Variants in GBX2 observed in about 807,000 individuals in gnomAD.
GBX2 encodes gastrulation brain homeobox 2, also known as homeobox protein GBX-2.
A neutral mutation model predicts 22.4 loss-of-function variants in GBX2; 5 were observed. That is an observed-to-expected ratio of 0.22 (90% CI 0.12 to 0.47). GBX2 has a LOEUF of 0.47. GBX2 is among the 20% of genes least tolerant of loss of function. The probability of loss-of-function intolerance (pLI) is 0.99; values close to 1 mark genes in which losing one functional copy is unlikely to be tolerated. For synonymous variants in GBX2, 220 were observed against 230.5 expected (o/e 0.95, Z 0.41); for missense variants, 470 against 495.4 (o/e 0.95, Z 0.49).
At position 236,166,013 on chromosome 2, in the gene GBX2, C is replaced by G. The variant is rs1269921440; in HGVS notation, c.948G>C (p.Glu316Asp). ...CGACGATCTTAGGGTTCCGGGAGGG[C>G]TCCCCTGTCTTGGAATTGGCATTGC... is the stretch of plus-strand genomic sequence containing the variant. ...KAGNANSKTGEPSRNPKIVVP... is the reference protein window; with the variant it reads ...KAGNANSKTGDPSRNPKIVVP... Residue 316 changes from glutamate to aspartate, a missense_variant, in exon 2 of 2, where the codon GAG becomes GAC. Coordinates refer to ENST00000306318, the MANE Select transcript of GBX2 (RefSeq NM_001485.4). This position sits in a 1 kb window ranked among gnomAD's most constrained non-coding sequence, Gnocchi z 6.6. 6.2e-7 allele frequency: 1 copy of G among 1,614,202 alleles called. No homozygotes were observed. Among genetic ancestry groups the G allele is most frequent in the Admixed American group, 1.7e-5 (1 of 60,032 alleles).
rs2060238504 is a variant in GBX2 at position 236,166,259 on chromosome 2, G to T, written c.702C>A (p.Ser234Arg). Residue 234 changes from serine (S) to arginine (R), a missense_variant, in exon 2 of 2, where the codon AGC (serine) becomes AGA (arginine). Physicochemically the swap from Ser to Arg is moderately radical, Grantham distance 110 (BLOSUM62 -1). Coordinates refer to ENST00000306318, the MANE Select transcript of GBX2 (RefSeq NM_001485.4). This position sits in a 1 kb window ranked among gnomAD's most constrained non-coding sequence, Gnocchi z 6.6. ...ACGTGGTGCTGCCCGCGGCGCCGCT[G>T]CTCGGCGGGGTCTCCTCCAGCGCGT... is the stretch of plus-strand genomic sequence containing the variant. ...PGHALEETPPSSGAAGSTTST... is the reference protein window; with the variant it reads ...PGHALEETPPRSGAAGSTTST... The T allele has an allele frequency of 6.2e-7, 1 of 1,613,530 alleles. No individual in the cohort carries two copies.
At chr2:236,162,672 G>C (rs1041894768), downstream of GBX2, among the ~76,000 whole-genome samples, 1 of 152,206 alleles carries the variant, frequency 6.6e-6, no homozygotes, top group Non-Finnish European at 1.5e-5. Flanking sequence ...TGGCTGCGGG[G>C]TGCAGGCAGC....
At chr2:236,162,421 T>G (rs558119622), downstream of GBX2, among the ~76,000 whole-genome samples, 1 of 152,228 alleles carries the variant, frequency 6.6e-6, no homozygotes, top group Non-Finnish European at 1.5e-5. Context: ...CAGCTTCCAG[T>G]GCAGGTGGGT....
downstream of GBX2, among the ~76,000 whole-genome samples, chr2:236,164,182 C>G (rs1460318287): frequency 6.6e-6 from 1 of 152,132 alleles, no homozygotes; most frequent in South Asian, 2.1e-4. Flanking sequence ...AATATTAGTA[C>G]TAACCCATGG....
intron 1 of GBX2, chr2:236,167,243 C>T: frequency 4.7e-6 from 7 of 1,490,616 alleles, no homozygotes; most frequent in South Asian, 2.4e-5. Flanking sequence ...CGCTAAACGC[C>T]CCCCCTCCCG....
chr2:236,161,993 C>T (rs2060215731), downstream of GBX2, among the ~76,000 whole-genome samples: 1 of 152,254 alleles, frequency 6.6e-6, no homozygotes, highest in South Asian at 2.1e-4. Flanking sequence ...TGGGGCATAA[C>T]ATGGGACTCT....
At chr2:236,161,812 G>C (rs187918770), downstream of GBX2, among the ~76,000 whole-genome samples, 6 of 152,366 alleles carry the variant, frequency 3.9e-5, no homozygotes, top group South Asian at 2.1e-4. Flanking sequence ...GCAGGGGAAA[G>C]AAGAGGGCCC....
chr2:236,162,029 G>A (rs895684910), downstream of GBX2, among the ~76,000 whole-genome samples: 90 of 152,230 alleles, frequency 5.9e-4, no homozygotes, highest in African/African-American at 2.1e-3. Flanking sequence ...GGGGCTGGAG[G>A]GAGCAGCCTT....
In GBX2 at chr2:236,166,611, G is replaced by C. The variant is rs561758971; in HGVS notation, c.524-174C>G. Among the ~76,000 whole-genome samples the C allele has an allele frequency of 3.8e-4, 58 of 152,044 alleles. No homozygotes were observed. Among genetic ancestry groups the C allele is most frequent in the African/African-American group, 1.4e-3 (57 of 41,474 alleles). On this transcript the variant is annotated intron_variant, in intron 1 of 1. Coordinates refer to ENST00000306318, the MANE Select transcript of GBX2 (RefSeq NM_001485.4). This position sits in a 1 kb window ranked among gnomAD's most constrained non-coding sequence, Gnocchi z 6.6. ...GCCTTTGAGGGGTAGAGGAGGGGTG[G>C]GGGGAGCGTGAGAAAGCTCAAAGGA...
In GBX2 at chr2:236,167,831, G is replaced by T; in HGVS notation, c.141C>A (p.Phe47Leu). ...GCAGCACTACCGGCCGGTAGGGCAT[G>T]AACATGGGGTAGCCGGTGTAGACGA... The part of the protein sequence containing the change: ...GHFVYTGYPM[F>L]MPYRPVVLPP... Residue 47 changes from phenylalanine to leucine, a missense_variant, in exon 1 of 2, where the codon TTC becomes TTA. By Grantham distance (22) the Phe-to-Leu change is conservative. Transcript: ENST00000306318. 6.7e-7 allele frequency: 1 copy of T among 1,483,058 alleles called. No individual in the cohort carries two copies. The highest frequency in any genetic ancestry group is 1.3e-5 in the South Asian group (1 of 75,452). The allele number at this position is 1,483,058 out of a possible 1,614,324, so 91.9% of individuals were successfully genotyped here.
chr2:236,167,967 C>A lies in GBX2; in HGVS notation c.5G>T (p.Ser2Ile). M[S>I]AAFPPSLMMM... The stretch of plus-strand genomic sequence containing the variant: ...CATCAGCGACGGCGGGAACGCTGCG[C>A]TCATAGACGCGCTCGGTAGAGGCCA... The change falls in exon 1 of 2, where the codon AGC (serine) becomes ATC (isoleucine). Residue 2 changes from serine to isoleucine, a missense_variant. This residue lies in a region of GBX2 where 377 missense variants were observed against 358.6 expected (regional missense o/e 1.05). Transcript: ENST00000306318. 1 of 1,555,514 alleles carries A rather than the reference C, an allele frequency of 6.4e-7. No individual in the cohort carries two copies. Among genetic ancestry groups the A allele is most frequent in the African/African-American group, 1.4e-5 (1 of 70,210 alleles).
In GBX2 at chr2:236,165,988, C is replaced by T. The variant is rs61743573; in HGVS notation, c.973G>A (p.Val325Ile). 6 of 1,614,082 alleles carry T rather than the reference C, an allele frequency of 3.7e-6. No individual in the cohort carries two copies. The highest frequency in any genetic ancestry group is 5.1e-6 in the Non-Finnish European group (6 of 1,180,010). Residue 325 changes from valine (V) to isoleucine (I), a missense_variant, in exon 2 of 2, where the codon GTC becomes ATC. Val to Ile is a conservative substitution (Grantham distance 29, BLOSUM62 3). Around this residue, in one of 4 missense-constraint regions of GBX2, gnomAD observed 50 missense variants for 59.1 expected, o/e 0.85. Coordinates refer to ENST00000306318, the MANE Select transcript of GBX2 (RefSeq NM_001485.4). ...GEPSRNPKIVVPIPVHVSRFA... is the reference protein window; with the variant it reads ...GEPSRNPKIVIPIPVHVSRFA... ...CTGCTGACGTGGACAGGGATGGGGACGACGATCTTAGGGTTCCGGGAGGGC... is the reference window on the plus strand; with the variant it reads ...CTGCTGACGTGGACAGGGATGGGGATGACGATCTTAGGGTTCCGGGAGGGC...
At position 236,166,392 on chromosome 2, in the gene GBX2, T is replaced by C; in HGVS notation, c.569A>G (p.Asp190Gly). ...GCTCTCCTCCTTGCCCTTCGGGTCG[T>C]CTTCCACCTTTGACTCGTCTTTCCC... is the stretch of plus-strand genomic sequence containing the variant. ...GQGKDESKVEDDPKGKEESFS... is the reference protein window; with the variant it reads ...GQGKDESKVEGDPKGKEESFS... Residue 190 changes from aspartate (D) to glycine (G), a missense_variant, in exon 2 of 2, where the codon GAC (aspartate) becomes GGC (glycine). Asp to Gly is a moderately conservative substitution (Grantham distance 94). This residue lies in a region of GBX2 where 377 missense variants were observed against 358.6 expected (regional missense o/e 1.05). Coordinates refer to ENST00000306318, the MANE Select transcript of GBX2 (RefSeq NM_001485.4). The surrounding 1 kb of genome is among the most constrained non-coding windows in gnomAD (Gnocchi z 6.6). The C allele has an allele frequency of 6.2e-7, 1 of 1,613,900 alleles. No homozygotes were observed. Among genetic ancestry groups the C allele is most frequent in the Non-Finnish European group, 8.5e-7 (1 of 1,179,948 alleles).
At position 236,167,666 on chromosome 2, in the gene GBX2, A is replaced by G. The variant is rs372002483; in HGVS notation, c.306T>C (p.Ser102=). The change falls in exon 1 of 2, where the codon TCT becomes TCC. Residue 102 remains serine (S), a synonymous_variant. Coordinates refer to ENST00000306318, the MANE Select transcript of GBX2 (RefSeq NM_001485.4). The part of the protein sequence containing the change: ...SSLAQGMALT[S]TLMATLPGGF... ...CGCCGGGGAGCGTGGCCATGAGCGT[A>G]GAGGTGAGCGCCATGCCCTGCGCCA... 1 of 1,591,126 alleles carries G rather than the reference A, an allele frequency of 6.3e-7. No individual in the cohort carries two copies. Among genetic ancestry groups the G allele is most frequent in the South Asian group, 1.1e-5 (1 of 89,178 alleles).
At position 236,168,294 on chromosome 2, in the gene GBX2, TCCGTCCGTCCCG is replaced by T. The variant is rs1576383561; in HGVS notation, c.-335_-324del. The T allele has an allele frequency of 6.2e-6, 1 of 161,918 alleles. No homozygotes were observed. Among genetic ancestry groups the T allele is most frequent in the South Asian group, 2.2e-4 (1 of 4,512 alleles). 10.0% of individuals were successfully genotyped at this position (161,918 alleles called of 1,614,324 possible). On this transcript the variant is annotated 5_prime_UTR_variant, in exon 1 of 2. Coordinates refer to ENST00000306318, the MANE Select transcript of GBX2 (RefSeq NM_001485.4). ...CTCGGCCCCGGTAAGCTGCCGTCCG[TCCGTCCGTCCCG>T]CCGTCCGTCGCCTCCCGCGGGCCGC...
At position 236,165,858 on chromosome 2, in the gene GBX2, C is replaced by T; in HGVS notation, c.*56G>A. The T allele has an allele frequency of 1.4e-6, 2 of 1,401,074 alleles. No homozygotes were observed. Among genetic ancestry groups the T allele is most frequent in the East Asian group, 2.3e-5 (1 of 43,602 alleles). The allele number at this position is 1,401,074 out of a possible 1,614,324, so 86.8% of individuals were successfully genotyped here. A position where few individuals can be genotyped will look rare whatever the true frequency, so the allele number is the denominator to read the frequency against. On this transcript the variant is annotated 3_prime_UTR_variant, in exon 2 of 2. Coordinates refer to ENST00000306318, the MANE Select transcript of GBX2 (RefSeq NM_001485.4). ...AACACAGTGGAGTCCACCATGGGTT[C>T]CCTCGGGTGCGGGGGCTTCTCCAGG... is the stretch of plus-strand genomic sequence containing the variant.
At position 236,167,019 on chromosome 2, in the gene GBX2, C is replaced by G. The variant is rs190491017; in HGVS notation, c.523+430G>C. On this transcript the variant is annotated intron_variant, in intron 1 of 1. Transcript: ENST00000306318. Reference sequence around the variant, plus strand: ...ACACAGGCACAGCCTCCCAGCAGTCCGTTTCTCCCAGACAAGTAGCAAGAC... The same window carrying G: ...ACACAGGCACAGCCTCCCAGCAGTCGGTTTCTCCCAGACAAGTAGCAAGAC... 7.6e-4 allele frequency: 679 copies of G among 898,816 alleles called. 2 individuals carry two copies. The African/African-American group carries it at 0.01, about 13-fold the overall frequency. The allele number at this position is 898,816 out of a possible 1,614,324, so 55.7% of individuals were successfully genotyped here.
chr2:236,167,368 G>T, intron 1 of GBX2, 81 bp downstream of exon 1: 2 of 1,396,116 alleles, frequency 1.4e-6, no homozygotes, highest in Non-Finnish European at 1.9e-6. Context: ...TCGCCCCCTT[G>T]GTCTCCCGCG....
downstream of GBX2, among the ~76,000 whole-genome samples, chr2:236,163,715 G>A (rs535997895): frequency 3.8e-3 from 585 of 152,168 alleles, 5 homozygotes; most frequent in African/African-American, 0.013. Flanking sequence ...GTCGGGGGAC[G>A]GCGTCCCTGC....
Sources: allele counts gnomAD v4.1 joint callset (sites outside exome capture counted in the v4.1 genomes callset), GRCh38; gene constraint gnomAD v4.1.1; regional missense constraint gnomAD v4.1.1; non-coding constraint Gnocchi (gnomAD v3.1); transcripts MANE v1.5; gene names NCBI Gene and HGNC (gene_info 2026-07-23, HGNC 2026-07-21).